CDC5L: variants seen among roughly 807,000 people sequenced by gnomAD.
The protein encoded by CDC5L is cell division cycle 5 like, also known as cell division cycle 5-like protein.
In CDC5L, 18 loss-of-function variants were observed where a neutral mutation model predicts 104.1. The ratio of observed to expected loss-of-function variants is 0.17; its 90% CI spans 0.12 to 0.26. CDC5L has a LOEUF of 0.26. Ranked by LOEUF, CDC5L falls within the 10% of genes least tolerant of loss-of-function variation. The probability of loss-of-function intolerance (pLI) is 1.00; values close to 1 mark genes in which losing one functional copy is unlikely to be tolerated. For synonymous variants in CDC5L, 331 were observed against 322.7 expected (o/e 1.03, Z -0.28); for missense variants, 673 against 956.9 (o/e 0.70, Z 3.91).
chr6:44,428,619 T>G (rs1230623841), intron 13 of CDC5L, among the ~76,000 whole-genome samples: 3 of 152,194 alleles, frequency 2.0e-5, no homozygotes, highest in Non-Finnish European at 4.4e-5. Context: ...GAAAAAGCCC[T>G]GAGAAATGGG....
intron 13 of CDC5L, among the ~76,000 whole-genome samples, 198 bp downstream of exon 13, chr6:44,426,922 T>TA (rs998462269): frequency 1.4e-4 from 21 of 152,342 alleles, no homozygotes; most frequent in African/African-American, 4.1e-4. Context: ...TTCAGTGTGA[T>TA]AGACCTTTAG....
intron 2 of CDC5L, among the ~76,000 whole-genome samples, chr6:44,390,991 AACATATTTAATAT>A (rs1790574675): frequency 8.1e-6 from 1 of 123,068 alleles, no homozygotes; most frequent in Non-Finnish European, 1.7e-5. Flanking sequence ...TTATATATTA[AACATATTTAATAT>A]GTTATATATT....
At chr6:44,411,612 G>C (rs9472277) in intron 8 of CDC5L, among the ~76,000 whole-genome samples, 97,272 of 129,012 alleles carry the variant, frequency 0.75, 35,897 homozygotes, top group Non-Finnish European at 0.86. Flanking sequence ...GAGAGACAGA[G>C]AGAGAGAGAG....
In CDC5L at chr6:44,390,264, T is replaced by C. The variant is rs1790529953; in HGVS notation, c.46-4T>C. 2 of 1,606,794 alleles carry C rather than the reference T, an allele frequency of 1.2e-6. No individual in the cohort carries two copies. The highest frequency in any genetic ancestry group is 1.7e-6 in the Non-Finnish European group (2 of 1,173,986). On this transcript the variant is annotated splice_polypyrimidine_tract_variant and splice_region_variant and intron_variant, in intron 1 of 15. Transcript: ENST00000371477. Reference sequence around the variant, plus strand: ...TGAATGTACTCTTTGGCAATTTTTTTTAGGATGAAATTCTGAAAGCAGCGG... The same window carrying C: ...TGAATGTACTCTTTGGCAATTTTTTCTAGGATGAAATTCTGAAAGCAGCGG...
intron 14 of CDC5L, among the ~76,000 whole-genome samples, chr6:44,436,539 G>A (rs1296165828): frequency 6.6e-6 from 1 of 152,068 alleles, no homozygotes; most frequent in Non-Finnish European, 1.5e-5. Context: ...CATGATTTGT[G>A]GTGTATGGTC....
intron 8 of CDC5L, among the ~76,000 whole-genome samples, chr6:44,414,456 ATCT>A (rs1290197292): frequency 1.5e-5 from 2 of 137,638 alleles, no homozygotes; most frequent in African/African-American, 2.7e-5. Context: ...ATAGCTATTC[ATCT>A]TCTTTACTCA....
chr6:44,414,946 GT>G (rs1045165020), intron 8 of CDC5L, among the ~76,000 whole-genome samples: 9 of 152,124 alleles, frequency 5.9e-5, no homozygotes, highest in African/African-American at 2.2e-4. Flanking sequence ...CTTTGAGTTA[GT>G]TTTTTATGTA....
chr6:44,442,358 TTG>T (rs946844966), intron 14 of CDC5L, among the ~76,000 whole-genome samples: 4 of 148,408 alleles, frequency 2.7e-5, no homozygotes, highest in Non-Finnish European at 5.9e-5. Context: ...CCTCTCTTGC[TTG>T]TGTGTGTGTG....
chr6:44,430,388 G>A (rs1792622983), intron 14 of CDC5L, among the ~76,000 whole-genome samples: 1 of 149,626 alleles, frequency 6.7e-6, no homozygotes, highest in South Asian at 2.2e-4. Context: ...GGGCAGAGCT[G>A]GATTATCTAG....
At chr6:44,433,677 A>C (rs780836313) in intron 14 of CDC5L, among the ~76,000 whole-genome samples, 1 of 152,222 alleles carries the variant, frequency 6.6e-6, no homozygotes, top group Non-Finnish European at 1.5e-5. Flanking sequence ...GAAATATTAT[A>C]TAACATAGAC....
At position 44,395,951 on chromosome 6, in the gene CDC5L, C is replaced by T. The variant is rs11571932; in HGVS notation, c.440-390C>T. ...TTTTTACCCTATTTCACAATTTGTG[C>T]TGTGCCAGTTAGTTGATAATAATGA... On this transcript the variant is annotated intron_variant, in intron 4 of 15. Transcript: ENST00000371477. Among the ~76,000 whole-genome samples the T allele has an allele frequency of 2.0e-3, 308 of 152,328 alleles. 3 individuals carry two copies. Among genetic ancestry groups the T allele is most frequent in the South Asian group, 3.5e-3 (17 of 4,826 alleles).
chr6:44,443,806 T>C lies in CDC5L; in HGVS notation c.2092-1849T>C, dbSNP rs75454530. Among the ~76,000 whole-genome samples, 433 of 152,138 alleles carry C rather than the reference T, an allele frequency of 2.8e-3. 9 individuals carry two copies. The East Asian group carries it at 0.061, about 21-fold the overall frequency. On this transcript the variant is annotated intron_variant, in intron 14 of 15. Transcript: ENST00000371477. ...GGAATTTCCTGTTGGGTAAATCATA[T>C]ATCTCCAGTTCACTTGAGTTGGTTT...
chr6:44,435,925 G>T (rs1352815343), intron 14 of CDC5L, among the ~76,000 whole-genome samples: 1 of 151,902 alleles, frequency 6.6e-6, no homozygotes, highest in Non-Finnish European at 1.5e-5. Context: ...GAGATTACAG[G>T]TGCCTGCCAC....
intron 14 of CDC5L, among the ~76,000 whole-genome samples, chr6:44,437,477 TAA>T (rs1792990574): frequency 6.6e-6 from 1 of 152,238 alleles, no homozygotes; most frequent in Non-Finnish European, 1.5e-5. Flanking sequence ...TTTCTGTGCT[TAA>T]GTTAATTTTT....
chr6:44,417,788 T>G (rs1352490892), intron 8 of CDC5L, among the ~76,000 whole-genome samples: 1 of 152,120 alleles, frequency 6.6e-6, no homozygotes, highest in Non-Finnish European at 1.5e-5. Flanking sequence ...GGGAGTATCT[T>G]AAGTTCCCAG....
At chr6:44,433,882 A>C (rs957651312) in intron 14 of CDC5L, among the ~76,000 whole-genome samples, 1 of 152,188 alleles carries the variant, frequency 6.6e-6, no homozygotes, top group African/African-American at 2.4e-5. Flanking sequence ...AAATTTCCTT[A>C]ATACTTTAAA....
At chr6:44,413,555 C>G (rs1791757596) in intron 8 of CDC5L, among the ~76,000 whole-genome samples, 1 of 152,078 alleles carries the variant, frequency 6.6e-6, no homozygotes, top group African/African-American at 2.4e-5. Flanking sequence ...TGAGGAACTG[C>G]CAGACTGTTT....
intron 1 of CDC5L, 54 bp downstream of exon 1, chr6:44,387,922 G>GCGCA (rs1790404200): frequency 1.3e-6 from 2 of 1,529,970 alleles, no homozygotes; most frequent in African/African-American, 2.8e-5. Context: ...AGCAGCTTGT[G>GCGCA]CGCACGCGCG....
At chr6:44,394,359 G>C (rs961442387) in intron 4 of CDC5L, among the ~76,000 whole-genome samples, 7 of 152,188 alleles carry the variant, frequency 4.6e-5, no homozygotes, top group Non-Finnish European at 8.8e-5. Context: ...TCCATGGAGA[G>C]AGACATCAAG....
Sources: gnomAD v4.1 joint callset for allele counts (sites outside exome capture counted in the v4.1 genomes callset) on GRCh38, gnomAD v4.1.1 for gene constraint, MANE v1.5 for transcripts, NCBI Gene and HGNC (gene_info 2026-07-23, HGNC 2026-07-21) for gene names.